The following WWOX variants were observed in gnomAD, a reference collection of about 807,000 sequenced individuals.
The protein encoded by WWOX is WW domain-containing oxidoreductase.
WWOX carries 69 observed loss-of-function variants against 46.2 expected under a neutral mutation model. That is an observed-to-expected ratio of 1.49 (90% CI 1.23 to 1.82). The LOEUF (loss-of-function observed/expected upper bound fraction) is 1.82, where lower values mean the gene tolerates loss of function less well. Among genes scored for constraint, WWOX ranks in the 40% most tolerant of loss-of-function variants. The pLI, the probability that WWOX is intolerant of heterozygous loss-of-function variation, is 0.00. For synonymous variants in WWOX, 359 were observed against 202.6 expected, an observed-to-expected ratio of 1.77 and a Z score of -6.56; for missense variants, 919 against 542.6, an observed-to-expected ratio of 1.69 and a Z score of -6.89.
chr16:78,465,573 A>G (rs2738664), intron 8 of WWOX, among the ~76,000 whole-genome samples: 45,996 of 152,210 alleles, frequency 0.3, 8,394 homozygotes, highest in African/African-American at 0.51. Context: ...TTTCATTAGT[A>G]ACTCACATGG....
intron 4 of WWOX, among the ~76,000 whole-genome samples, chr16:78,141,843 A>G (rs1221334308): frequency 6.6e-6 from 1 of 152,150 alleles, no homozygotes; most frequent in African/African-American, 2.4e-5. Flanking sequence ...GAAATTTCCT[A>G]AATAACTGGC....
At chr16:78,660,641 A>G (rs1262764258) in intron 8 of WWOX, among the ~76,000 whole-genome samples, 4 of 152,250 alleles carry the variant, frequency 2.6e-5, no homozygotes, top group Admixed American at 6.5e-5. Context: ...TAACCCATCA[A>G]AGGAATAGAA....
At position 78,806,373 on chromosome 16, in the gene WWOX, G is replaced by C. The variant is rs138517921; in HGVS notation, c.1056+373621G>C. ...GCATAACAAACCACCCCCAAATTTA[G>C]TGGCTTAAAACAACAACATTTATTT... is the stretch of plus-strand genomic sequence containing the variant. On this transcript the variant is annotated intron_variant, in intron 8 of 8. Coordinates refer to ENST00000566780, the MANE Select transcript of WWOX (RefSeq NM_016373.4). Among the ~76,000 whole-genome samples the C allele has an allele frequency of 2.6e-4, 40 of 152,196 alleles. No homozygotes were observed. The East Asian group carries it at 6.4e-3, about 24-fold the overall frequency.
chr16:78,244,055 G>A (rs933645797), intron 5 of WWOX, among the ~76,000 whole-genome samples: 1 of 152,200 alleles, frequency 6.6e-6, no homozygotes, highest in Non-Finnish European at 1.5e-5. Flanking sequence ...TGTGGTGGAA[G>A]GTGTCCAAGG....
At chr16:78,895,214 C>T (rs554825132) in intron 8 of WWOX, 96 of 152,278 alleles carry the variant, frequency 6.3e-4, no homozygotes, top group African/African-American at 2.2e-3. Context: ...TCTGGGCTTA[C>T]CCAGTTAACA....
intron 8 of WWOX, among the ~76,000 whole-genome samples, chr16:78,788,759 GC>G (rs2050520054): frequency 6.6e-6 from 1 of 152,172 alleles, no homozygotes. Context: ...TCCACCTGAA[GC>G]CCCTCAGCCA....
chr16:78,439,698 A>T (rs749422367), intron 8 of WWOX, among the ~76,000 whole-genome samples: 1 of 152,254 alleles, frequency 6.6e-6, no homozygotes, highest in Non-Finnish European at 1.5e-5. Context: ...GCCGCAAGTT[A>T]TTAACACCCA....
chr16:78,488,101 G>C (rs2084684858), intron 8 of WWOX, among the ~76,000 whole-genome samples: 2 of 152,158 alleles, frequency 1.3e-5, no homozygotes, highest in African/African-American at 2.4e-5. Flanking sequence ...AGCAGGGAGG[G>C]ATCTCACAGG....
intron 8 of WWOX, among the ~76,000 whole-genome samples, chr16:78,969,899 A>G (rs1208939391): frequency 6.6e-6 from 1 of 152,180 alleles, no homozygotes; most frequent in African/African-American, 2.4e-5. Flanking sequence ...GATTCCTTCT[A>G]AAGCAATAAA....
chr16:78,773,722 A>C (rs1031001505), intron 8 of WWOX, among the ~76,000 whole-genome samples: 1 of 152,148 alleles, frequency 6.6e-6, no homozygotes, highest in South Asian at 2.1e-4. Context: ...AATAACCCAA[A>C]ATGAGGAGTC....
intron 8 of WWOX, among the ~76,000 whole-genome samples, chr16:79,131,737 A>C (rs1016584828): frequency 3.9e-5 from 6 of 152,046 alleles, no homozygotes; most frequent in African/African-American, 1.4e-4. Context: ...ATATCTCTTT[A>C]CTCCTTGTAT....
chr16:78,398,184 C>A (rs1163177211), intron 6 of WWOX, among the ~76,000 whole-genome samples: 1 of 152,166 alleles, frequency 6.6e-6, no homozygotes, highest in Non-Finnish European at 1.5e-5. Context: ...TGACACTGTC[C>A]TGTTTGGCAA....
chr16:78,293,553 C>G (rs559522929), intron 5 of WWOX, among the ~76,000 whole-genome samples: 2 of 152,272 alleles, frequency 1.3e-5, no homozygotes, highest in Admixed American at 1.3e-4. Flanking sequence ...ATTGGAGGTT[C>G]TTTCCCCTCC....
intron 8 of WWOX, among the ~76,000 whole-genome samples, chr16:78,653,846 T>G (rs1273539278): frequency 6.6e-6 from 1 of 152,248 alleles, no homozygotes; most frequent in Non-Finnish European, 1.5e-5. Context: ...TAGCACCAAC[T>G]TAATATTTTG....
intron 8 of WWOX, among the ~76,000 whole-genome samples, chr16:78,745,097 A>G (rs541552767): frequency 6.6e-6 from 1 of 152,278 alleles, no homozygotes; most frequent in East Asian, 1.9e-4. Context: ...GGTAAAAAAA[A>G]CTGACTATAG....
intron 8 of WWOX, among the ~76,000 whole-genome samples, chr16:78,636,447 A>G (rs183999869): frequency 4.6e-5 from 7 of 152,308 alleles, no homozygotes; most frequent in Non-Finnish European, 1.0e-4. Context: ...GTTGTTGCAA[A>G]TGATAAGCTC....
intron 4 of WWOX, among the ~76,000 whole-genome samples, chr16:78,118,104 T>A (rs1014712202): frequency 6.6e-6 from 1 of 151,532 alleles, no homozygotes; most frequent in African/African-American, 2.4e-5. Flanking sequence ...TTGGTGAGGA[T>A]CTCACTGATA....
intron 8 of WWOX, among the ~76,000 whole-genome samples, chr16:78,883,384 C>G (rs1327569314): frequency 1.3e-5 from 2 of 152,122 alleles, no homozygotes; most frequent in Non-Finnish European, 2.9e-5. Flanking sequence ...TCGTGAAATC[C>G]TAAATACAGT....
chr16:78,358,220 A>G (rs2081337964), intron 5 of WWOX, among the ~76,000 whole-genome samples: 3 of 150,456 alleles, frequency 2.0e-5, no homozygotes, highest in African/African-American at 7.5e-5. Flanking sequence ...TATTTACAAA[A>G]AAAAGAAGAA....
Sources: gnomAD v4.1 joint callset for allele counts (sites outside exome capture counted in the v4.1 genomes callset) on GRCh38, gnomAD v4.1.1 for gene constraint, MANE v1.5 for transcripts, NCBI Gene and HGNC (gene_info 2026-07-23, HGNC 2026-07-21) for gene names.